SEMA4D: variants seen among roughly 807,000 people sequenced by gnomAD.
The protein encoded by SEMA4D is semaphorin-4D.
Under a neutral mutation model 74.8 loss-of-function variants are expected in SEMA4D, and 22 were observed. The ratio of observed to expected loss-of-function variants is 0.29; its 90% confidence interval spans 0.21 to 0.42. SEMA4D has a LOEUF of 0.42. Among genes scored for constraint, SEMA4D ranks in the 10% least tolerant of loss-of-function variants. SEMA4D has a pLI of 1.00. For missense variants in SEMA4D, 937 were observed against 1,118.4 expected (o/e 0.84, Z 2.31); for synonymous variants, 445 against 463.7 (o/e 0.96, Z 0.52).
Position 89,479,572 on chromosome 9 carries a change from G to A in SEMA4D, c.-310+18347C>T, listed in dbSNP as rs138035424. 4.8e-3 allele frequency: 860 copies of A among 178,122 alleles called. 4 individuals are homozygous for A. Among genetic ancestry groups the A allele is most frequent in the African/African-American group, 0.019 (810 of 41,846 alleles). 11.0% of individuals were successfully genotyped at this position (178,122 alleles called of 1,614,324 possible). ...TCGCGGTGAGTGTTACAGCTCTTAC[G>A]GTGGCGCGTCTGGAGTCTGTCCCTT... On this transcript the variant is annotated intron_variant, in intron 1 of 15. Transcript: ENST00000422704.
chr9:89,458,027 GGT>G (rs1465796889), intron 1 of SEMA4D, among the ~76,000 whole-genome samples: 78 of 152,214 alleles, frequency 5.1e-4, no homozygotes, highest in African/African-American at 1.8e-3. Context: ...AGCGAGACTG[GGT>G]CTCAAACAAA....
intron 1 of SEMA4D, among the ~76,000 whole-genome samples, chr9:89,461,700 C>CTCT (rs71281350): frequency 0.029 from 3,012 of 103,632 alleles, 131 homozygotes; most frequent in African/African-American, 0.053. Flanking sequence ...TCTTTTTTCT[C>CTCT]TTTTTTTTTT....
At chr9:89,471,151 C>A (rs1015787951) in intron 1 of SEMA4D, among the ~76,000 whole-genome samples, 1 of 152,156 alleles carries the variant, frequency 6.6e-6, no homozygotes, top group Non-Finnish European at 1.5e-5. Context: ...AGAAACACTG[C>A]GTGATTCCAC....
At chr9:89,496,830 C>T (rs534783080) in intron 1 of SEMA4D, among the ~76,000 whole-genome samples, 8 of 152,192 alleles carry the variant, frequency 5.3e-5, no homozygotes, top group Non-Finnish European at 1.0e-4. Flanking sequence ...GGTGTCACGT[C>T]ACCCCCAGGA....
intron 2 of SEMA4D, chr9:89,418,275 G>A: frequency 1.3e-6 from 1 of 748,698 alleles, no homozygotes; most frequent in Non-Finnish European, 1.6e-6. Context: ...TGCATGTGCT[G>A]GGGAAGACAG....
At position 89,428,619 on chromosome 9, in the gene SEMA4D, C is replaced by T. The variant is rs146384141; in HGVS notation, c.-243-22920G>A. Among the ~76,000 whole-genome samples, 815 of 151,844 alleles carry T rather than the reference C, an allele frequency of 5.4e-3. 6 individuals carry two copies. The highest frequency in any genetic ancestry group is 0.019 in the African/African-American group (773 of 41,350). ...ACGGAGCCTGCTCAAGGTCATGCAG[C>T]GCAGGCCAGCTCCCAGCCACTCTGC... On this transcript the variant is annotated intron_variant, in intron 2 of 15. Transcript: ENST00000422704.
At chr9:89,387,997 G>T (rs1838913864) in intron 11 of SEMA4D, among the ~76,000 whole-genome samples, 1 of 152,234 alleles carries the variant, frequency 6.6e-6, no homozygotes, top group African/African-American at 2.4e-5. Flanking sequence ...GAGCCTGAGG[G>T]ATTCTTTTTT....
chr9:89,364,424 T>C (rs1184775969), intron 16 of SEMA4D: 1 of 234,274 alleles, frequency 4.3e-6, no homozygotes, highest in East Asian at 9.3e-5. Flanking sequence ...TGGGCCAGAG[T>C]GGGGACCATG....
chr9:89,398,357 G>A (rs1228794867), intron 5 of SEMA4D, among the ~76,000 whole-genome samples: 4 of 152,146 alleles, frequency 2.6e-5, no homozygotes, highest in African/African-American at 7.2e-5. Flanking sequence ...GCCGGCCAGA[G>A]CTGGCCAGAC....
In SEMA4D at chr9:89,399,089, C is replaced by T. The variant is rs116528718; in HGVS notation, c.315+187G>A. 8.2e-3 allele frequency among the ~76,000 whole-genome samples: 1,247 copies of T among 152,292 alleles called. 23 individuals are homozygous for T. Among genetic ancestry groups the T allele is most frequent in the African/African-American group, 0.028 (1,163 of 41,550 alleles). The stretch of plus-strand genomic sequence containing the variant: ...TATGTTTGGCACCTGCTTTGAGAAA[C>T]CCAATCCTGATACTCAGGAATAGAG... On this transcript the variant is annotated intron_variant, in intron 5 of 15. Transcript: ENST00000422704.
chr9:89,361,609 A>T (rs570899822), exon 19 of SEMA4D: 1 of 152,372 alleles, frequency 6.6e-6, no homozygotes, highest in South Asian at 2.1e-4. Flanking sequence ...TTCCATCGTC[A>T]AGAAATTTAA....
chr9:89,449,696 G>A, intron 2 of SEMA4D: 1 of 1,519,416 alleles, frequency 6.6e-7, no homozygotes, highest in African/African-American at 1.4e-5. Flanking sequence ...TGTCAGTACT[G>A]AGCCTGTGTG....
chr9:89,410,603 C>A (rs1844313791), intron 2 of SEMA4D, among the ~76,000 whole-genome samples: 1 of 152,174 alleles, frequency 6.6e-6, no homozygotes, highest in South Asian at 2.1e-4. Flanking sequence ...ACTGGACGAT[C>A]CATTCAGGAG....
chr9:89,362,322 C>T, exon 19 of SEMA4D: 1 of 1,613,194 alleles, frequency 6.2e-7, no homozygotes, highest in Non-Finnish European at 8.5e-7. Context: ...GGGACCAGGC[C>T]TTCTCCGGGG....
intron 13 of SEMA4D, chr9:89,385,241 T>TA: frequency 4.1e-6 from 4 of 984,384 alleles, no homozygotes; most frequent in Non-Finnish European, 3.6e-6. Flanking sequence ...CCTGGGTCCC[T>TA]AAGTGACCCT....
intron 1 of SEMA4D, among the ~76,000 whole-genome samples, chr9:89,462,508 A>G (rs1163363136): frequency 6.6e-6 from 1 of 152,214 alleles, no homozygotes; most frequent in African/African-American, 2.4e-5. Context: ...CCACTTAAGG[A>G]GAGCTGTGTT....
chr9:89,435,209 T>G (rs188567084), intron 2 of SEMA4D, among the ~76,000 whole-genome samples: 35 of 151,772 alleles, frequency 2.3e-4, no homozygotes, highest in African/African-American at 8.0e-4. Context: ...AAGGTAATAT[T>G]AATTTTAAGA....
chr9:89,413,334 C>T (rs1844937609), intron 2 of SEMA4D, among the ~76,000 whole-genome samples: 1 of 152,228 alleles, frequency 6.6e-6, no homozygotes, highest in Non-Finnish European at 1.5e-5. Flanking sequence ...GGCAGCTCTC[C>T]CACCCCCAGG....
At chr9:89,416,928 CT>C (rs548685248) in intron 2 of SEMA4D, among the ~76,000 whole-genome samples, 1 of 151,906 alleles carries the variant, frequency 6.6e-6, no homozygotes, top group Non-Finnish European at 1.5e-5. Context: ...TACCTTTGAC[CT>C]TTTTTTTATT....
Sources: gnomAD v4.1 joint callset for allele counts (sites outside exome capture counted in the v4.1 genomes callset) on GRCh38, gnomAD v4.1.1 for gene constraint, MANE v1.5 for transcripts, NCBI Gene and HGNC (gene_info 2026-07-23, HGNC 2026-07-21) for gene names.